The following PDE11A variants were observed in gnomAD, a reference collection of about 807,000 sequenced individuals.
PDE11A encodes dual 3',5'-cyclic-AMP and -GMP phosphodiesterase 11A.
PDE11A carries 100 observed loss-of-function variants against 100.5 expected under a neutral mutation model. The ratio of observed to expected loss-of-function variants is 1.00; its 90% CI spans 0.85 to 1.18. The LOEUF is 1.18. Ranked by LOEUF, PDE11A falls within the 50% of genes most tolerant of loss-of-function variation. PDE11A has a pLI of 0.00. For synonymous variants in PDE11A, 381 were observed against 420.8 expected (o/e 0.91, Z 1.16); for missense variants, 1,141 against 1,152.6 (o/e 0.99, Z 0.15).
chr2:177,898,300 C>T (rs895038064), intron 3 of PDE11A, 102 bp from the exon 4 acceptor site: 1 of 767,442 alleles, frequency 1.3e-6, no homozygotes, highest in Non-Finnish European at 2.2e-6. Flanking sequence ...TATAGTAAAT[C>T]TTTTTGTGTA....
chr2:177,948,282 A>G (rs554788166), intron 2 of PDE11A, among the ~76,000 whole-genome samples: 1 of 152,316 alleles, frequency 6.6e-6, no homozygotes, highest in Non-Finnish European at 1.5e-5. Context: ...GTTTGCATCC[A>G]TGATTATTGC....
intron 5 of PDE11A, among the ~76,000 whole-genome samples, chr2:177,864,094 C>T (rs1287720792): frequency 6.6e-6 from 1 of 151,862 alleles, no homozygotes; most frequent in East Asian, 1.9e-4. Context: ...TGCTACAGGA[C>T]AGACACAGAA....
intron 1 of PDE11A, among the ~76,000 whole-genome samples, chr2:178,029,479 C>T (rs1396116423): frequency 6.6e-6 from 1 of 151,742 alleles, no homozygotes; most frequent in African/African-American, 2.4e-5. Flanking sequence ...AGGATGATTA[C>T]ACATCATATA....
At chr2:177,839,652 C>A (rs993307087) in intron 6 of PDE11A, among the ~76,000 whole-genome samples, 2 of 152,122 alleles carry the variant, frequency 1.3e-5, no homozygotes, top group Non-Finnish European at 2.9e-5. Flanking sequence ...AAAAATGCCT[C>A]CTACTCTTCA....
chr2:177,864,333 G>A (rs937102822), intron 5 of PDE11A, among the ~76,000 whole-genome samples: 1 of 152,114 alleles, frequency 6.6e-6, no homozygotes, highest in Non-Finnish European at 1.5e-5. Context: ...TCATGCTAAA[G>A]GAGTACAATT....
chr2:177,817,527 C>A (rs7557136), intron 8 of PDE11A, among the ~76,000 whole-genome samples: 2 of 151,820 alleles, frequency 1.3e-5, no homozygotes, highest in Admixed American at 6.6e-5. Context: ...GTGAGGGCAG[C>A]ACGCCTGGCA....
intron 1 of PDE11A, among the ~76,000 whole-genome samples, chr2:178,070,289 G>T (rs1465079811): frequency 6.6e-6 from 1 of 152,116 alleles, no homozygotes; most frequent in Non-Finnish European, 1.5e-5. Flanking sequence ...ATATTAAAGT[G>T]TTAGGTTGGC....
chr2:177,769,499 T>C (rs933999780), intron 9 of PDE11A, 126 bp from the exon 10 acceptor site: 1 of 661,042 alleles, frequency 1.5e-6, no homozygotes, highest in South Asian at 1.7e-5. Context: ...CTTTAATGTA[T>C]GACAAGAAAC....
chr2:178,072,657 GC>G lies in PDE11A; in HGVS notation c.-221del. 1 of 1,454,712 alleles carries G rather than the reference GC, an allele frequency of 6.9e-7. No individual in the cohort carries two copies. The highest frequency in any genetic ancestry group is 2.5e-5 in the East Asian group (1 of 39,632). The allele number at this position is 1,454,712 out of a possible 1,614,324, so 90.1% of individuals were successfully genotyped here. On this transcript the variant is annotated 5_prime_UTR_variant, in exon 1 of 20. Coordinates refer to ENST00000286063, the MANE Select transcript of PDE11A (RefSeq NM_016953.4). ...CCCACCCCGTGGTCCTGCTACTCCT[GC>G]TCCGCACAGGTGCCCAGCACTGAGC...
At chr2:177,666,904 A>AATTTATGTATTTATTT (rs2080595879) in intron 18 of PDE11A, among the ~76,000 whole-genome samples, 1 of 141,380 alleles carries the variant, frequency 7.1e-6, no homozygotes, top group African/African-American at 2.6e-5. Flanking sequence ...GATAAAGTTC[A>AATTTATGTATTTATTT]ATTTATTTAT....
Position 177,980,950 on chromosome 2 carries a change from C to T in PDE11A, c.1071+33352G>A, listed in dbSNP as rs1054107696. ...CATGAGGGTGGTGTGAAAGTGGCTA[C>T]GACCTTAAACCAGTGAGAACTAGAT... is the stretch of plus-strand genomic sequence containing the variant. On this transcript the variant is annotated intron_variant, in intron 2 of 19. Transcript: ENST00000286063. Among the ~76,000 whole-genome samples the T allele has an allele frequency of 3.5e-5, 5 of 141,324 alleles. 1 individual carries two copies. Among genetic ancestry groups the T allele is most frequent in the South Asian group, 4.9e-4 (2 of 4,118 alleles). 92.7% of individuals were successfully genotyped at this position (141,324 alleles called of 152,430 possible).
rs545910931 is a variant in PDE11A, at chr2:177,963,385, C to G, written c.1071+50917G>C. Reference sequence around the variant, plus strand: ...ATGCATTATGATATGGTGACCTACACTCCTCCATGGAGAATTATGAGATAT... The same window carrying G: ...ATGCATTATGATATGGTGACCTACAGTCCTCCATGGAGAATTATGAGATAT... On this transcript the variant is annotated intron_variant, in intron 2 of 19. Transcript: ENST00000286063. Among the ~76,000 whole-genome samples, 7 of 152,304 alleles carry G rather than the reference C, an allele frequency of 4.6e-5. No homozygotes were observed. In the East Asian group the frequency reaches 1.4e-3, roughly 29 times the overall value.
At chr2:177,874,578 T>C (rs2084199084) in intron 5 of PDE11A, among the ~76,000 whole-genome samples, 2 of 152,210 alleles carry the variant, frequency 1.3e-5, no homozygotes, top group Admixed American at 1.3e-4. Context: ...TCTTCACTTC[T>C]ACCCTGTTAT....
At chr2:177,646,348 T>C (rs2080223253) in intron 19 of PDE11A, among the ~76,000 whole-genome samples, 1 of 152,234 alleles carries the variant, frequency 6.6e-6, no homozygotes, top group South Asian at 2.1e-4. Context: ...AAAGCACATC[T>C]TGCTAACATG....
At chr2:177,713,637 A>G (rs2081388181) in intron 12 of PDE11A, among the ~76,000 whole-genome samples, 1 of 152,056 alleles carries the variant, frequency 6.6e-6, no homozygotes, top group African/African-American at 2.4e-5. Context: ...AGGCAGGAGA[A>G]TCGCTTGAAC....
intron 9 of PDE11A, among the ~76,000 whole-genome samples, chr2:177,782,125 C>T (rs1262659948): frequency 6.6e-6 from 1 of 152,132 alleles, no homozygotes; most frequent in Admixed American, 6.5e-5. Flanking sequence ...TTGGCAGTTT[C>T]CCAAACTATC....
intron 1 of PDE11A, among the ~76,000 whole-genome samples, chr2:178,014,674 G>A (rs1450649176): frequency 6.6e-6 from 1 of 152,160 alleles, no homozygotes; most frequent in Non-Finnish European, 1.5e-5. Flanking sequence ...TAAATGAAGA[G>A]AGAGACTTTA....
At chr2:178,061,325 G>C (rs961688011) in intron 1 of PDE11A, among the ~76,000 whole-genome samples, 1 of 152,042 alleles carries the variant, frequency 6.6e-6, no homozygotes, top group Non-Finnish European at 1.5e-5. Context: ...GTATCTAGTG[G>C]AGAGAGGCAA....
chr2:178,049,193 C>A lies in PDE11A; in HGVS notation c.912+22333G>T, dbSNP rs1008454491. On this transcript the variant is annotated intron_variant, in intron 1 of 19. Transcript: ENST00000286063. ...ACTTTGAGCCGGGCACTTAAAGTGCCAGTGGCATATGTTAAGAGTTGTGGT... is the reference window on the plus strand; with the variant it reads ...ACTTTGAGCCGGGCACTTAAAGTGCAAGTGGCATATGTTAAGAGTTGTGGT... Among the ~76,000 whole-genome samples, 5 of 152,074 alleles carry A rather than the reference C, an allele frequency of 3.3e-5. No individual in the cohort carries two copies. The East Asian group carries it at 9.6e-4, about 29-fold the overall frequency.
Sources: allele counts gnomAD v4.1 joint callset (sites outside exome capture counted in the v4.1 genomes callset), GRCh38; gene constraint gnomAD v4.1.1; transcripts MANE v1.5; gene names NCBI Gene and HGNC (gene_info 2026-07-23, HGNC 2026-07-21).